Variants in CRADD observed in about 807,000 individuals in gnomAD.
The protein encoded by CRADD is death domain-containing protein CRADD.
CRADD carries 9 observed loss-of-function variants against 15.5 expected under a neutral mutation model. The ratio of observed to expected loss-of-function variants is 0.58; its 90% CI spans 0.35 to 1.01. The LOEUF (loss-of-function observed/expected upper bound fraction) is 1.01, where lower values mean the gene tolerates loss of function less well. CRADD is among the 50% of genes least tolerant of loss of function. The probability of loss-of-function intolerance (pLI) is 0.02; values close to 1 mark genes in which losing one functional copy is unlikely to be tolerated. For synonymous variants in CRADD, 118 were observed against 107.6 expected (o/e 1.10, Z -0.60); for missense variants, 227 against 250.3 (o/e 0.91, Z 0.63).
chr12:93,691,289 C>T (rs536700793), intron 2 of CRADD, among the ~76,000 whole-genome samples: 5 of 149,140 alleles, frequency 3.4e-5, no homozygotes, highest in Admixed American at 6.7e-5. Flanking sequence ...GTTTTACTCT[C>T]GTCGCCCAGG....
intron 2 of CRADD, among the ~76,000 whole-genome samples, chr12:93,748,017 T>G (rs1956782196): frequency 6.6e-6 from 1 of 152,118 alleles, no homozygotes; most frequent in South Asian, 2.1e-4. Flanking sequence ...ATGAAATACT[T>G]TATGTAATAT....
Position 93,836,467 on chromosome 12 carries a change from A to G in CRADD, c.299-13503A>G, listed in dbSNP as rs960917508. On this transcript the variant is annotated intron_variant, in intron 2 of 2. Coordinates refer to ENST00000332896, the MANE Select transcript of CRADD (RefSeq NM_003805.5). ...GGGCTTGCCTGTCTTTCTCTTTTCA[A>G]ATGAAACATGGATGTGGGAAAGGGG... is the stretch of plus-strand genomic sequence containing the variant. 2.5e-4 allele frequency among the ~76,000 whole-genome samples: 38 copies of G among 152,274 alleles called. 1 individual carries two copies. Among genetic ancestry groups the G allele is most frequent in the African/African-American group, 8.9e-4 (37 of 41,538 alleles).
At chr12:93,802,669 C>T (rs979939736) in intron 2 of CRADD, among the ~76,000 whole-genome samples, 10 of 152,198 alleles carry the variant, frequency 6.6e-5, no homozygotes, top group African/African-American at 2.4e-4. Flanking sequence ...CTGCTAGTCT[C>T]CTGACAAGGG....
chr12:93,810,147 C>T lies in CRADD; in HGVS notation c.299-39823C>T, dbSNP rs531124436. On this transcript the variant is annotated intron_variant, in intron 2 of 2. Transcript: ENST00000332896. ...TCCAGACTGTACCAAATTGTACTTT[C>T]TCTTGAAGTAGGACATTCTGTGCCC... Among the ~76,000 whole-genome samples, 3 of 152,280 alleles carry T rather than the reference C, an allele frequency of 2.0e-5. No homozygotes were observed. In the East Asian group the frequency reaches 5.8e-4, roughly 29 times the overall value.
At chr12:93,869,576 G>T (rs1958400924) in intron 2 of CRADD, among the ~76,000 whole-genome samples, 1 of 151,942 alleles carries the variant, frequency 6.6e-6, no homozygotes, top group Non-Finnish European at 1.5e-5. Flanking sequence ...TGAAAATGCT[G>T]AAAAAGAACC....
intron 2 of CRADD, among the ~76,000 whole-genome samples, chr12:93,771,065 A>G (rs1373078455): frequency 1.3e-5 from 2 of 152,172 alleles, no homozygotes; most frequent in Non-Finnish European, 2.9e-5. Flanking sequence ...GCTATAGAAT[A>G]TTTTTTGGTT....
intron 2 of CRADD, among the ~76,000 whole-genome samples, chr12:93,839,167 T>C (rs1358859723): frequency 6.6e-6 from 1 of 152,168 alleles, no homozygotes; most frequent in East Asian, 1.9e-4. Context: ...CCTCTAACTC[T>C]GCCAGTATTC....
chr12:93,834,776 C>G (rs1366562739), intron 2 of CRADD, among the ~76,000 whole-genome samples: 1 of 152,240 alleles, frequency 6.6e-6, no homozygotes, highest in East Asian at 1.9e-4. Flanking sequence ...GCGTGAGCCA[C>G]CATGCCCAGC....
At chr12:93,725,949 A>G (rs1008800497) in intron 2 of CRADD, among the ~76,000 whole-genome samples, 1 of 152,184 alleles carries the variant, frequency 6.6e-6, no homozygotes, top group African/African-American at 2.4e-5. Flanking sequence ...AAGCTAGTAC[A>G]TCGTGGGGCT....
intron 2 of CRADD, among the ~76,000 whole-genome samples, chr12:93,710,961 A>C (rs1178305306): frequency 6.6e-6 from 1 of 151,118 alleles, no homozygotes; most frequent in Non-Finnish European, 1.5e-5. Flanking sequence ...TTGTTTATAG[A>C]GTGAATTGCT....
intron 2 of CRADD, among the ~76,000 whole-genome samples, chr12:93,773,204 A>G (rs4411314): frequency 0.56 from 84,701 of 151,988 alleles, 24,421 homozygotes; most frequent in East Asian, 0.89. Flanking sequence ...AAGAACTCCA[A>G]ATCTCAGTGG....
intron 2 of CRADD, among the ~76,000 whole-genome samples, chr12:93,886,746 G>A (rs1295654474): frequency 2.0e-5 from 3 of 152,170 alleles, no homozygotes; most frequent in Non-Finnish European, 4.4e-5. Flanking sequence ...AAAAGCTTTC[G>A]CAGCATGGGT....
intron 2 of CRADD, among the ~76,000 whole-genome samples, chr12:93,768,490 G>GT (rs567746073): frequency 0.049 from 7,057 of 143,374 alleles, 214 homozygotes; most frequent in Non-Finnish European, 0.068. Flanking sequence ...GCAGCAGGTG[G>GT]TTTTTTTTTT....
chr12:93,691,379 G>T (rs1236899115), intron 2 of CRADD, among the ~76,000 whole-genome samples: 2 of 151,396 alleles, frequency 1.3e-5, no homozygotes, highest in African/African-American at 4.9e-5. Flanking sequence ...TCAGCCTTCC[G>T]AGTAGCTGGG....
chr12:93,823,507 T>G (rs987121937), intron 2 of CRADD, among the ~76,000 whole-genome samples: 2 of 152,190 alleles, frequency 1.3e-5, no homozygotes, highest in African/African-American at 4.8e-5. Flanking sequence ...GTACTTTCAT[T>G]AATTGGTTGG....
At chr12:93,752,227 T>C (rs1290148664) in intron 2 of CRADD, among the ~76,000 whole-genome samples, 3 of 152,318 alleles carry the variant, frequency 2.0e-5, no homozygotes, top group Non-Finnish European at 4.4e-5. Context: ...TTCCAAAGTA[T>C]GTTAGCATAA....
chr12:93,796,529 CA>C (rs1033079711), intron 2 of CRADD, among the ~76,000 whole-genome samples: 14 of 148,974 alleles, frequency 9.4e-5, no homozygotes, highest in Non-Finnish European at 1.8e-4. Context: ...CACTTGAACC[CA>C]GGAGGCAGAG....
intron 2 of CRADD, among the ~76,000 whole-genome samples, chr12:93,886,904 G>A (rs1024252761): frequency 6.6e-5 from 10 of 152,224 alleles, no homozygotes; most frequent in African/African-American, 1.7e-4. Flanking sequence ...TGGGAAGGAC[G>A]CTAATATTTA....
At chr12:93,778,002 T>C (rs1377185304) in intron 2 of CRADD, among the ~76,000 whole-genome samples, 1 of 152,190 alleles carries the variant, frequency 6.6e-6, no homozygotes, top group East Asian at 1.9e-4. Flanking sequence ...TTGAAGATTT[T>C]TGGGTGGCTA....
Sources: allele counts gnomAD v4.1 joint callset (sites outside exome capture counted in the v4.1 genomes callset), GRCh38; gene constraint gnomAD v4.1.1; transcripts MANE v1.5; gene names NCBI Gene and HGNC (gene_info 2026-07-23, HGNC 2026-07-21).